FAM110B: variants seen among roughly 807,000 people sequenced by gnomAD.
FAM110B encodes the protein family with sequence similarity 110 member B.
FAM110B carries 6 observed loss-of-function variants against 20.4 expected under a neutral mutation model. The ratio of observed to expected loss-of-function variants is 0.29; its 90% CI spans 0.16 to 0.58. The LOEUF is 0.58. FAM110B is among the 20% of genes least tolerant of loss of function. FAM110B has a pLI of 0.90. For missense variants in FAM110B, 434 were observed against 498.2 expected (o/e 0.87, Z 1.23); for synonymous variants, 226 against 214.1 (o/e 1.06, Z -0.49).
In FAM110B at chr8:58,053,663, G is replaced by A. The variant is rs117362416; in HGVS notation, c.-413-21872G>A. The stretch of plus-strand genomic sequence containing the variant: ...ATAGATAGGCAAGAAAAATATTTTA[G>A]ACCAGAGTTTTGGTGCTCCAGTAAA... On this transcript the variant is annotated intron_variant, in intron 2 of 3. Transcript: ENST00000519262. 2.5e-3 allele frequency among the ~76,000 whole-genome samples: 377 copies of A among 152,242 alleles called. 1 individual carries two copies. The highest frequency in any genetic ancestry group is 0.01 in the East Asian group (53 of 5,184).
chr8:58,093,845 G>A (rs1346994038), intron 3 of FAM110B, among the ~76,000 whole-genome samples: 1 of 152,110 alleles, frequency 6.6e-6, no homozygotes, highest in Admixed American at 6.5e-5. Context: ...GGGCTGTATG[G>A]CCATTTTCAC....
At position 58,105,516 on chromosome 8, in the gene FAM110B, G is replaced by A. The variant is rs573222620; in HGVS notation, c.-325+29893G>A. 5.3e-5 allele frequency among the ~76,000 whole-genome samples: 8 copies of A among 150,688 alleles called. No individual in the cohort carries two copies. In the South Asian group the frequency reaches 1.7e-3, roughly 32 times the overall value. ...CCACTACACTCTAGCCTGGGCAACA[G>A]GGTGAAACCTTGTCTGAAAATGAAT... On this transcript the variant is annotated intron_variant, in intron 3 of 3. Transcript: ENST00000519262.
intron 2 of FAM110B, among the ~76,000 whole-genome samples, chr8:58,064,323 G>A (rs1180605952): frequency 6.6e-6 from 1 of 151,932 alleles, no homozygotes; most frequent in African/African-American, 2.4e-5. Flanking sequence ...TTCATTTTTG[G>A]GGCATGTGAT....
At chr8:58,103,265 G>A (rs945437212) in intron 3 of FAM110B, among the ~76,000 whole-genome samples, 1 of 151,896 alleles carries the variant, frequency 6.6e-6, no homozygotes, top group Admixed American at 6.5e-5. Flanking sequence ...CTGGTGTGCT[G>A]CACCCACTAA....
At chr8:58,007,479 C>T (rs766529992) in intron 1 of FAM110B, among the ~76,000 whole-genome samples, 1 of 152,200 alleles carries the variant, frequency 6.6e-6, no homozygotes, top group Non-Finnish European at 1.5e-5. Flanking sequence ...ACCCCTCCAT[C>T]CCTCTGCTAT....
At position 58,147,417 on chromosome 8, in the gene FAM110B, GTGT is replaced by G; in HGVS notation, c.*78_*80del. 2.6e-6 allele frequency: 4 copies of G among 1,519,208 alleles called. No individual in the cohort carries two copies. The highest frequency in any genetic ancestry group is 2.7e-6 in the Non-Finnish European group (3 of 1,123,200). The allele number at this position is 1,519,208 out of a possible 1,614,324, so 94.1% of individuals were successfully genotyped here. On this transcript the variant is annotated 3_prime_UTR_variant, in exon 4 of 4. Coordinates refer to ENST00000519262, the MANE Select transcript of FAM110B (RefSeq NM_001377989.1). ...GTGAAGGTTGTGAGGTCTCCTTGAAGTGTTGTGAGCTTCTCCACTCTTTGTGTT... is the reference window on the plus strand; with the variant it reads ...GTGAAGGTTGTGAGGTCTCCTTGAAGTGTGAGCTTCTCCACTCTTTGTGTT...
rs957499196 is a variant in FAM110B, at chr8:58,112,223, G to A, written c.-324-33684G>A. Among the ~76,000 whole-genome samples, 3 of 152,236 alleles carry A rather than the reference G, an allele frequency of 2.0e-5. No individual in the cohort carries two copies. The South Asian group carries it at 6.2e-4, about 32-fold the overall frequency. ...GCACACTTGTAGTTCCATCTACTTG[G>A]GAAGCTGAGGCAGGAGAATCGCTTG... On this transcript the variant is annotated intron_variant, in intron 3 of 3. Coordinates refer to ENST00000519262, the MANE Select transcript of FAM110B (RefSeq NM_001377989.1).
chr8:58,052,460 T>G lies in FAM110B; in HGVS notation c.-414+20757T>G, dbSNP rs1023240760. On this transcript the variant is annotated intron_variant, in intron 2 of 3. Coordinates refer to ENST00000519262, the MANE Select transcript of FAM110B (RefSeq NM_001377989.1). The stretch of plus-strand genomic sequence containing the variant: ...TTGATAACTTACTTATCAATAAATA[T>G]TCAATAAATATTTATTGAACCAGGC... 4.6e-5 allele frequency among the ~76,000 whole-genome samples: 7 copies of G among 152,278 alleles called. No homozygotes were observed. The East Asian group carries it at 1.4e-3, about 29-fold the overall frequency.
At chr8:58,088,156 TG>T (rs1806384199) in intron 3 of FAM110B, among the ~76,000 whole-genome samples, 1 of 152,236 alleles carries the variant, frequency 6.6e-6, no homozygotes, top group Non-Finnish European at 1.5e-5. Flanking sequence ...ACTATCAAAA[TG>T]TATTTATTTT....
intron 3 of FAM110B, among the ~76,000 whole-genome samples, chr8:58,093,196 G>C (rs1806529578): frequency 6.6e-6 from 1 of 152,172 alleles, no homozygotes; most frequent in Admixed American, 6.5e-5. Flanking sequence ...CCATTCTGTA[G>C]GTTGCCTGTT....
At chr8:58,134,008 G>A (rs985246581) in intron 3 of FAM110B, among the ~76,000 whole-genome samples, 5 of 152,230 alleles carry the variant, frequency 3.3e-5, no homozygotes, top group South Asian at 2.1e-4. Context: ...TGTAAGACAC[G>A]TTAAGTGCTG....
intron 1 of FAM110B, among the ~76,000 whole-genome samples, chr8:58,028,044 C>T (rs963288475): frequency 6.6e-6 from 1 of 152,208 alleles, no homozygotes; most frequent in Non-Finnish European, 1.5e-5. Context: ...GTGCTTGTAA[C>T]ATTTTGAATT....
intron 1 of FAM110B, among the ~76,000 whole-genome samples, chr8:58,018,987 G>A (rs943548649): frequency 2.0e-5 from 3 of 152,028 alleles, no homozygotes; most frequent in African/African-American, 7.2e-5. Context: ...TATGTTTGTT[G>A]TACACCTCAC....
rs376100419 is a variant in FAM110B, at chr8:58,147,329, G to A, written c.1099G>A (p.Val367Ile). ...SIKQARESQKVSHV is the reference protein window; with the variant it reads ...SIKQARESQKISHV The stretch of plus-strand genomic sequence containing the variant: ...CAAACAAGCTAGAGAGTCACAGAAG[G>A]TCTCCCATGTGTAAGACAGTGCGTG... The change falls in exon 4 of 4, where the codon GTC becomes ATC. Residue 367 changes from valine to isoleucine, a missense_variant. By Grantham distance (29) the Val-to-Ile change is conservative. This residue lies in a region of FAM110B where 94 missense variants were observed against 137.8 expected (regional missense o/e 0.68). Transcript: ENST00000519262. 16 of 1,613,422 alleles carry A rather than the reference G, an allele frequency of 9.9e-6. No homozygotes were observed. The highest frequency in any genetic ancestry group is 1.3e-5 in the African/African-American group (1 of 74,936).
At chr8:58,067,739 C>T (rs1001497822) in intron 2 of FAM110B, among the ~76,000 whole-genome samples, 1 of 152,192 alleles carries the variant, frequency 6.6e-6, no homozygotes, top group Non-Finnish European at 1.5e-5. Context: ...CAGGGTGCAG[C>T]ACAAGTCCTT....
At chr8:58,118,555 G>T (rs1807276593) in intron 3 of FAM110B, among the ~76,000 whole-genome samples, 1 of 152,150 alleles carries the variant, frequency 6.6e-6, no homozygotes, top group African/African-American at 2.4e-5. Flanking sequence ...TCTAAGGCAG[G>T]GTGGGGCGTG....
chr8:58,004,677 G>A (rs938062987), intron 1 of FAM110B, among the ~76,000 whole-genome samples: 25 of 152,170 alleles, frequency 1.6e-4, no homozygotes, highest in Admixed American at 8.5e-4. Flanking sequence ...CCCGGGAAGC[G>A]GAGATTGCAG....
At chr8:58,070,553 C>G (rs1301004955) in intron 2 of FAM110B, among the ~76,000 whole-genome samples, 1 of 152,130 alleles carries the variant, frequency 6.6e-6, no homozygotes, top group African/African-American at 2.4e-5. Flanking sequence ...AAACAGCTAC[C>G]CTGTTTATGG....
At chr8:58,048,473 C>A (rs1805374565) in intron 2 of FAM110B, among the ~76,000 whole-genome samples, 1 of 152,110 alleles carries the variant, frequency 6.6e-6, no homozygotes, top group African/African-American at 2.4e-5. Context: ...TTGGTGTCTT[C>A]CTAGCTTGAT....
Sources: allele counts gnomAD v4.1 joint callset (sites outside exome capture counted in the v4.1 genomes callset), GRCh38; gene constraint gnomAD v4.1.1; regional missense constraint gnomAD v4.1.1; transcripts MANE v1.5; gene names NCBI Gene and HGNC (gene_info 2026-07-23, HGNC 2026-07-21).